Variants in TP53I3 observed in about 807,000 individuals in gnomAD.
The protein encoded by TP53I3 is quinone oxidoreductase PIG3.
A neutral mutation model predicts 27.7 loss-of-function variants in TP53I3; 32 were observed. The observed-to-expected ratio is 1.16, with a 90% CI of 0.87 to 1.55. TP53I3 has a LOEUF of 1.55. TP53I3 is among the 40% of genes most tolerant of loss of function. TP53I3 has a pLI of 0.00. For missense variants in TP53I3, 372 were observed against 412.3 expected, an observed-to-expected ratio of 0.90 and a Z score of 0.85; for synonymous variants, 138 against 167.8, an observed-to-expected ratio of 0.82 and a Z score of 1.37.
rs1037630582 is a variant in TP53I3 at position 24,080,044 on chromosome 2, T to C, written c.620-404A>G. On this transcript the variant is annotated intron_variant, in intron 3 of 4. Transcript: ENST00000238721. The surrounding 1 kb of genome is among the most constrained non-coding windows in gnomAD (Gnocchi z 4.7). ...CATAGGCTTTCTAGCTTTGGTTTCA[T>C]CTCTCCTTTTCTACTCACATAAAAA... Among the ~76,000 whole-genome samples, 7 of 152,080 alleles carry C rather than the reference T, an allele frequency of 4.6e-5. No individual in the cohort carries two copies. Among genetic ancestry groups the C allele is most frequent in the Non-Finnish European group, 1.0e-4 (7 of 67,994 alleles).
chr2:24,082,931 G>A lies in TP53I3; in HGVS notation c.360C>T (p.Ala120=), dbSNP rs1461715782. The change falls in exon 2 of 5, where the codon GCC becomes GCT. Residue 120 remains alanine (A), a synonymous_variant. Transcript: ENST00000238721. ...AGGCGGTGAGCCAGGCCTCTGGGAT[G>A]GCTGCAGCCTGGGTCAGGGTCAATC... is the stretch of plus-strand genomic sequence containing the variant. ...PEGLTLTQAA[A]IPEAWLTAFQ... The A allele has an allele frequency of 6.2e-7, 1 of 1,613,280 alleles. No individual in the cohort carries two copies. Among genetic ancestry groups the A allele is most frequent in the Non-Finnish European group, 8.5e-7 (1 of 1,179,788 alleles).
In TP53I3 at chr2:24,079,619, A is replaced by C. The variant is rs1174900349; in HGVS notation, c.641T>G (p.Leu214Arg). Residue 214 changes from leucine to arginine, a missense_variant, in exon 4 of 5, where the codon CTA becomes CGA. By Grantham distance (102) the Leu-to-Arg change is moderately radical (BLOSUM62 -2). Transcript: ENST00000238721. ...FTKGAGVNLI[L>R]DCIGGSYWEK... is the part of the protein sequence containing the mutation. ...CCAGTAGGATCCGCCTATGCAGTCT[A>C]GAATAAGATTAACTCCAGCACCTTC... is the stretch of plus-strand genomic sequence containing the variant. 1 of 1,614,082 alleles carries C rather than the reference A, an allele frequency of 6.2e-7. No individual in the cohort carries two copies. The highest frequency in any genetic ancestry group is 1.3e-5 in the African/African-American group (1 of 74,932).
chr2:24,081,424 G>A (rs1664997628), intron 2 of TP53I3, among the ~76,000 whole-genome samples: 1 of 152,166 alleles, frequency 6.6e-6, no homozygotes, highest in Non-Finnish European at 1.5e-5. Flanking sequence ...ACCACCGAAA[G>A]CCAGTCCTTC....
In TP53I3 at chr2:24,082,722, C is replaced by G. The variant is rs147689912; in HGVS notation, c.406+163G>C. On this transcript the variant is annotated intron_variant, in intron 2 of 4. Transcript: ENST00000238721. ...GACCCTCTATCTGCTAACCATGATT[C>G]TCAGCCTCAACATTAAACCCTTCTA... 2.5e-3 allele frequency among the ~76,000 whole-genome samples: 380 copies of G among 152,290 alleles called. 2 individuals carry two copies. Among genetic ancestry groups the G allele is most frequent in the Non-Finnish European group, 3.8e-3 (259 of 68,034 alleles).
At position 24,084,215 on chromosome 2, in the gene TP53I3, C is replaced by A; in HGVS notation, c.112G>T (p.Ala38Ser). The A allele has an allele frequency of 6.2e-7, 1 of 1,613,668 alleles. No homozygotes were observed. The highest frequency in any genetic ancestry group is 8.5e-7 in the Non-Finnish European group (1 of 1,179,882). Reference protein sequence around the residue: ...GEVLLKVAASALNRADLMQRQ... With the variant: ...GEVLLKVAASSLNRADLMQRQ... Reference sequence around the variant, plus strand: ...TGCATTAAGTCCGCCCGGTTCAGGGCGCTGGCCGCCACCTTCAGGAGGACT... The same window carrying A: ...TGCATTAAGTCCGCCCGGTTCAGGGAGCTGGCCGCCACCTTCAGGAGGACT... Residue 38 changes from alanine (A) to serine (S), a missense_variant, in exon 1 of 5, where the codon GCC (alanine) becomes TCC (serine). Ala to Ser is a moderately conservative substitution (Grantham distance 99, BLOSUM62 1). Coordinates refer to ENST00000238721, the MANE Select transcript of TP53I3 (RefSeq NM_004881.5). The surrounding 1 kb of genome is among the most constrained non-coding windows in gnomAD (Gnocchi z 8.4).
intron 4 of TP53I3, among the ~76,000 whole-genome samples, chr2:24,078,184 C>A (rs953456977): frequency 6.6e-6 from 1 of 152,088 alleles, no homozygotes; most frequent in African/African-American, 2.4e-5. Flanking sequence ...TAGTTTTACA[C>A]CCCCCACCCC....
Position 24,083,096 on chromosome 2 carries a change from T to G in TP53I3, c.195A>C (p.Ala65=). 6.2e-7 allele frequency: 1 copy of G among 1,614,120 alleles called. No homozygotes were observed. The highest frequency in any genetic ancestry group is 8.5e-7 in the Non-Finnish European group (1 of 1,179,998). ...PGASNILGLE[A]SGHVAELGPG... ...GCCCCAGCTCTGCCACATGTCCAGA[T>G]GCCTCAAGTCCCAAAATGTTGCTGG... Residue 65 remains alanine, a synonymous_variant, in exon 2 of 5, where the codon GCA becomes GCC. Coordinates refer to ENST00000238721, the MANE Select transcript of TP53I3 (RefSeq NM_004881.5).
rs1367468211 is a variant in TP53I3 at position 24,080,909 on chromosome 2, T to G, written c.529A>C (p.Lys177Gln). ...IPLVTAGSQK[K>Q]LQMAEKLGAA... is the part of the protein sequence containing the mutation. ...CCAAGCTTTTCTGCCATTTGAAGCT[T>G]CTTCTGGGAGCCAGCTGTGACCAGA... The change falls in exon 3 of 5, where the codon AAG becomes CAG. Residue 177 changes from lysine to glutamine, a missense_variant. By Grantham distance (53) the Lys-to-Gln change is moderately conservative. Transcript: ENST00000238721. The surrounding 1 kb of genome is among the most constrained non-coding windows in gnomAD (Gnocchi z 4.7). 5.0e-6 allele frequency: 8 copies of G among 1,614,230 alleles called. No individual in the cohort carries two copies. Among genetic ancestry groups the G allele is most frequent in the East Asian group, 4.5e-5 (2 of 44,886 alleles).
At position 24,077,546 on chromosome 2, in the gene TP53I3, G is replaced by A; in HGVS notation, c.*33C>T. 1 of 1,592,156 alleles carries A rather than the reference G, an allele frequency of 6.3e-7. No individual in the cohort carries two copies. Among genetic ancestry groups the A allele is most frequent in the Non-Finnish European group, 8.5e-7 (1 of 1,170,154 alleles). On this transcript the variant is annotated 3_prime_UTR_variant, in exon 5 of 5. Transcript: ENST00000238721. This position sits in a 1 kb window ranked among gnomAD's most constrained non-coding sequence, Gnocchi z 5.5. ...TCCAGGTTTGCTCTGGAAAGGCCTG[G>A]GGTGGCCGCGTCCTGTCCTGCCCCA...
chr2:24,079,378 G>C, intron 4 of TP53I3, 66 bp downstream of exon 4: 1 of 1,537,880 alleles, frequency 6.5e-7, no homozygotes, highest in Non-Finnish European at 8.9e-7. Context: ...TCCTTTCTCG[G>C]GGTAATGTAA....
In TP53I3 at chr2:24,077,816, C is replaced by G. The variant is rs1664825691; in HGVS notation, c.817-55G>C. ...TGGGGAGAGAGCCTCACCCTGCCCT[C>G]CTCATCCTCCTCAGCCTTCTTGCTC... is the stretch of plus-strand genomic sequence containing the variant. On this transcript the variant is annotated intron_variant, in intron 4 of 4. Coordinates refer to ENST00000238721, the MANE Select transcript of TP53I3 (RefSeq NM_004881.5). The surrounding 1 kb of genome is among the most constrained non-coding windows in gnomAD (Gnocchi z 5.5). The G allele has an allele frequency of 1.0e-5, 16 of 1,553,790 alleles. No homozygotes were observed. The Admixed American group carries it at 2.8e-4, about 27-fold the overall frequency.
chr2:24,083,715 A>T lies in TP53I3; in HGVS notation c.138+474T>A, dbSNP rs973299602. 6.6e-5 allele frequency among the ~76,000 whole-genome samples: 10 copies of T among 152,198 alleles called. 1 individual carries two copies. Among genetic ancestry groups the T allele is most frequent in the Admixed American group, 6.5e-4 (10 of 15,278 alleles). Reference sequence around the variant, plus strand: ...AGCATCAGACAGAAGAAAATTCTTAAGAGTACTGCCCGCTGTCAGCTCCGG... The same window carrying T: ...AGCATCAGACAGAAGAAAATTCTTATGAGTACTGCCCGCTGTCAGCTCCGG... On this transcript the variant is annotated intron_variant, in intron 1 of 4. Coordinates refer to ENST00000238721, the MANE Select transcript of TP53I3 (RefSeq NM_004881.5).
At chr2:24,081,152 CT>C in intron 2 of TP53I3, 121 bp from the exon 3 acceptor site, 1 of 91,670 alleles carries the variant, frequency 1.1e-5, no homozygotes, top group Non-Finnish European at 1.5e-5. Context: ...TTTGCTTTTC[CT>C]TTTTTATTTG....
intron 1 of TP53I3, among the ~76,000 whole-genome samples, chr2:24,083,431 C>T (rs376332882): frequency 3.3e-5 from 5 of 152,056 alleles, no homozygotes; most frequent in African/African-American, 7.3e-5. Flanking sequence ...GAGTCCCAGA[C>T]GGGAAATAAT....
Position 24,084,009 on chromosome 2 carries a change from T to TC in TP53I3, c.138+179dup, listed in dbSNP as rs888761251. Reference sequence around the variant, plus strand: ...GGGGTGGATTCTGCTTTACAAGTACTCCCCCTTGTTTTGCATGAACAAAGA... The same window carrying TC: ...GGGGTGGATTCTGCTTTACAAGTACTCCCCCCTTGTTTTGCATGAACAAAGA... On this transcript the variant is annotated intron_variant, in intron 1 of 4. Transcript: ENST00000238721. The surrounding 1 kb of genome is among the most constrained non-coding windows in gnomAD (Gnocchi z 8.4). Among the ~76,000 whole-genome samples the TC allele has an allele frequency of 6.6e-6, 1 of 152,088 alleles. No individual in the cohort carries two copies. The highest frequency in any genetic ancestry group is 2.4e-5 in the African/African-American group (1 of 41,400).
chr2:24,077,646 T>G lies in TP53I3; in HGVS notation c.932A>C (p.Gln311Pro), dbSNP rs1251341682. 6.2e-7 allele frequency: 1 copy of G among 1,613,598 alleles called. No homozygotes were observed. The highest frequency in any genetic ancestry group is 1.3e-5 in the African/African-American group (1 of 74,980). Residue 311 changes from glutamine (Q) to proline (P), a missense_variant, in exon 5 of 5, where the codon CAG becomes CCG. Coordinates refer to ENST00000238721, the MANE Select transcript of TP53I3 (RefSeq NM_004881.5). The surrounding 1 kb of genome is among the most constrained non-coding windows in gnomAD (Gnocchi z 5.5). ...GGCCTCCATGTACTTATGGGCCTCC[T>G]GGATTTCGGTCACTGGGTAGATTCT... ...LDRIYPVTEIQEAHKYMEANK... is the reference protein window; with the variant it reads ...LDRIYPVTEIPEAHKYMEANK...
At position 24,083,421 on chromosome 2, in the gene TP53I3, G is replaced by C. The variant is rs36099121; in HGVS notation, c.139-269C>G. On this transcript the variant is annotated intron_variant, in intron 1 of 4. Coordinates refer to ENST00000238721, the MANE Select transcript of TP53I3 (RefSeq NM_004881.5). ...CCCTTGCTTTACAGATGGAGAAACT[G>C]AGTCCCAGACGGGAAATAATAGTAG... 3.0e-4 allele frequency among the ~76,000 whole-genome samples: 45 copies of C among 152,250 alleles called. No individual in the cohort carries two copies. In the East Asian group the frequency reaches 8.3e-3, roughly 28 times the overall value.
chr2:24,084,424 G>A lies in TP53I3; in HGVS notation c.-98C>T. The A allele has an allele frequency of 3.6e-6, 5 of 1,376,258 alleles. No homozygotes were observed. The highest frequency in any genetic ancestry group is 5.4e-5 in the East Asian group (2 of 37,302). The allele number at this position is 1,376,258 out of a possible 1,614,324, so 85.3% of individuals were successfully genotyped here. A position where few individuals can be genotyped will look rare whatever the true frequency, so the allele number is the denominator to read the frequency against. ...GGCAGGACAGGACAGGGCAGGGGCCGCTGTATCCTCGCGGAGCAGCCCAGC... is the reference window on the plus strand; with the variant it reads ...GGCAGGACAGGACAGGGCAGGGGCCACTGTATCCTCGCGGAGCAGCCCAGC... On this transcript the variant is annotated 5_prime_UTR_variant, in exon 1 of 5. Coordinates refer to ENST00000238721, the MANE Select transcript of TP53I3 (RefSeq NM_004881.5). The surrounding 1 kb of genome is among the most constrained non-coding windows in gnomAD (Gnocchi z 8.4).
chr2:24,082,817 A>T (rs1665063887), intron 2 of TP53I3, 68 bp downstream of exon 2: 1 of 1,510,034 alleles, frequency 6.6e-7, no homozygotes, highest in African/African-American at 1.4e-5. Context: ...GATTGCTGGG[A>T]TTCAAGTTGG....
Sources: allele counts gnomAD v4.1 joint callset (sites outside exome capture counted in the v4.1 genomes callset), GRCh38; gene constraint gnomAD v4.1.1; non-coding constraint Gnocchi (gnomAD v3.1); transcripts MANE v1.5; gene names NCBI Gene and HGNC (gene_info 2026-07-23, HGNC 2026-07-21).